ADGRB3: variants seen among roughly 807,000 people sequenced by gnomAD.
The protein encoded by ADGRB3 is adhesion G protein-coupled receptor B3, also known as brain-specific angiogenesis inhibitor 3.
A neutral mutation model predicts 193.4 loss-of-function variants in ADGRB3; 37 were observed. The observed-to-expected ratio is 0.19, with a 90% CI of 0.15 to 0.25. ADGRB3 has a LOEUF of 0.25. ADGRB3 is among the 10% of genes least tolerant of loss of function. ADGRB3 has a pLI of 1.00. For missense variants in ADGRB3, 1,637 were observed against 1,852.9 expected (o/e 0.88, Z 2.14); for synonymous variants, 690 against 644.2 (o/e 1.07, Z -1.08).
At chr6:69,388,421 C>T (rs556457474) in intron 31 of ADGRB3, among the ~76,000 whole-genome samples, 1 of 152,206 alleles carries the variant, frequency 6.6e-6, no homozygotes, top group African/African-American at 2.4e-5. Context: ...CAATTCACAA[C>T]ATGCCCCAAA....
intron 17 of ADGRB3, among the ~76,000 whole-genome samples, chr6:69,094,870 G>A (rs1185091295): frequency 6.6e-6 from 1 of 152,130 alleles, no homozygotes; most frequent in Non-Finnish European, 1.5e-5. Flanking sequence ...TTCTGAAGCA[G>A]AATGCTTATT....
At chr6:68,917,812 A>T (rs1766924804) in intron 3 of ADGRB3, among the ~76,000 whole-genome samples, 1 of 152,180 alleles carries the variant, frequency 6.6e-6, no homozygotes. Flanking sequence ...GACCACTACT[A>T]ATTGATATGC....
At chr6:69,156,331 T>C (rs1774839784) in intron 17 of ADGRB3, among the ~76,000 whole-genome samples, 1 of 152,126 alleles carries the variant, frequency 6.6e-6, no homozygotes, top group South Asian at 2.1e-4. Context: ...GACAGCATGG[T>C]TAGGAAAACT....
intron 20 of ADGRB3, among the ~76,000 whole-genome samples, chr6:69,255,239 G>T (rs1766731991): frequency 6.6e-6 from 1 of 152,008 alleles, no homozygotes; most frequent in Admixed American, 6.6e-5. Context: ...GGGATGGCTG[G>T]GTCAAATGGT....
At chr6:68,865,631 C>T (rs1765275899) in intron 3 of ADGRB3, among the ~76,000 whole-genome samples, 1 of 152,200 alleles carries the variant, frequency 6.6e-6, no homozygotes, top group African/African-American at 2.4e-5. Context: ...ATCTGGTGGA[C>T]AGCTCTTTTG....
At chr6:68,859,197 C>A (rs936165174) in intron 3 of ADGRB3, among the ~76,000 whole-genome samples, 4 of 152,194 alleles carry the variant, frequency 2.6e-5, no homozygotes, top group Admixed American at 2.6e-4. Context: ...GATCTTTACT[C>A]CAGTTCCCAA....
intron 13 of ADGRB3, among the ~76,000 whole-genome samples, chr6:69,020,472 G>A (rs868293393): frequency 1.3e-5 from 2 of 151,778 alleles, no homozygotes; most frequent in Non-Finnish European, 2.9e-5. Context: ...TGAAAATATT[G>A]TGTATTTTTT....
At chr6:69,238,818 G>A (rs1314884342) in intron 19 of ADGRB3, among the ~76,000 whole-genome samples, 2 of 151,354 alleles carry the variant, frequency 1.3e-5, no homozygotes, top group African/African-American at 4.9e-5. Flanking sequence ...TATATGTTTA[G>A]TTAAAAAAAA....
chr6:69,043,290 G>GAGAGAAGGAAAGAA (rs1554252049), intron 13 of ADGRB3, among the ~76,000 whole-genome samples: 2 of 88,032 alleles, frequency 2.3e-5, no homozygotes, highest in East Asian at 5.5e-4. Flanking sequence ...GGAAGAAAGA[G>GAGAGAAGGAAAGAA]AGAAAGAAAG....
In ADGRB3 at chr6:68,936,651, G is replaced by A; in HGVS notation, c.1001G>A (p.Arg334Lys). The change falls in exon 5 of 32, where the codon AGG becomes AAG. Residue 334 changes from arginine to lysine, a missense_variant. Arg to Lys is a conservative substitution (Grantham distance 26). Around this residue, in one of 7 missense-constraint regions of ADGRB3, gnomAD observed 365 missense variants for 409.8 expected, o/e 0.89. Coordinates refer to ENST00000370598, the MANE Select transcript of ADGRB3 (RefSeq NM_001704.3). The stretch of plus-strand genomic sequence containing the variant: ...TGCAGCGGCCCATTAAGAGAATCAA[G>A]GGTTTGCAATAACACTGCCCTCTGT... ...THCSGPLRESRVCNNTALCPV... is the reference protein window; with the variant it reads ...THCSGPLRESKVCNNTALCPV... The A allele has an allele frequency of 6.2e-7, 1 of 1,613,604 alleles. No homozygotes were observed.
intron 12 of ADGRB3, among the ~76,000 whole-genome samples, chr6:69,017,408 T>C (rs937707665): frequency 3.9e-5 from 6 of 151,968 alleles, no homozygotes; most frequent in Non-Finnish European, 8.8e-5. Context: ...TTAACCTGAC[T>C]TCAAAAGATT....
intron 3 of ADGRB3, among the ~76,000 whole-genome samples, chr6:68,763,500 T>C (rs1182131711): frequency 6.6e-6 from 1 of 152,184 alleles, no homozygotes; most frequent in African/African-American, 2.4e-5. Flanking sequence ...TTTTCCCCTA[T>C]TACAAATAAG....
intron 3 of ADGRB3, among the ~76,000 whole-genome samples, chr6:68,848,742 G>A (rs1471667250): frequency 6.6e-6 from 1 of 151,902 alleles, no homozygotes; most frequent in East Asian, 1.9e-4. Flanking sequence ...CGTAAGCATT[G>A]TTTTTGTTTC....
intron 5 of ADGRB3, among the ~76,000 whole-genome samples, chr6:68,940,547 CTTTTTTTTT>C: frequency 1.0e-4 from 7 of 69,216 alleles, no homozygotes; most frequent in South Asian, 6.7e-4. Context: ...TGCTTTTGAA[CTTTTTTTTT>C]TTTTTTTTTT....
chr6:68,935,156 T>C (rs1767452889), intron 4 of ADGRB3, among the ~76,000 whole-genome samples: 1 of 152,202 alleles, frequency 6.6e-6, no homozygotes, highest in Non-Finnish European at 1.5e-5. Context: ...AAACTGGCCG[T>C]TATGGTCTCT....
At chr6:68,876,006 T>C (rs191719835) in intron 3 of ADGRB3, among the ~76,000 whole-genome samples, 16 of 152,160 alleles carry the variant, frequency 1.1e-4, no homozygotes, top group Non-Finnish European at 1.3e-4. Flanking sequence ...TGGGAGTTAC[T>C]TGGAATATAA....
chr6:69,053,259 T>C (rs948353636), intron 15 of ADGRB3, among the ~76,000 whole-genome samples: 2 of 152,166 alleles, frequency 1.3e-5, no homozygotes, highest in Non-Finnish European at 2.9e-5. Context: ...AGAACTCTCA[T>C]TTTATAGATA....
intron 3 of ADGRB3, among the ~76,000 whole-genome samples, chr6:68,858,988 C>T (rs2150213594): frequency 6.6e-6 from 1 of 152,302 alleles, no homozygotes; most frequent in East Asian, 1.9e-4. Context: ...TTGAATTTCT[C>T]CCCAGAAAAT....
chr6:68,783,341 A>G (rs1301179054), intron 3 of ADGRB3, among the ~76,000 whole-genome samples: 2 of 147,276 alleles, frequency 1.4e-5, no homozygotes, highest in Admixed American at 1.4e-4. Context: ...TATAATATAC[A>G]TATAATTAAT....
Sources: gnomAD v4.1 joint callset for allele counts (sites outside exome capture counted in the v4.1 genomes callset) on GRCh38, gnomAD v4.1.1 for gene constraint, gnomAD v4.1.1 regional missense constraint, MANE v1.5 for transcripts, NCBI Gene and HGNC (gene_info 2026-07-23, HGNC 2026-07-21) for gene names.